TCF7L1: variants seen among roughly 807,000 people sequenced by gnomAD.
TCF7L1 encodes the protein transcription factor 7-like 1.
TCF7L1 carries 18 observed loss-of-function variants against 63.7 expected under a neutral mutation model. The observed-to-expected ratio is 0.28, with a 90% CI of 0.20 to 0.42. TCF7L1 has a LOEUF of 0.42. Ranked by LOEUF, TCF7L1 falls within the 10% of genes least tolerant of loss-of-function variation. The probability of loss-of-function intolerance (pLI) is 1.00; values close to 1 mark genes in which losing one functional copy is unlikely to be tolerated. For synonymous variants in TCF7L1, 355 were observed against 340.9 expected, an observed-to-expected ratio of 1.04 and a Z score of -0.46; for missense variants, 654 against 779.3, an observed-to-expected ratio of 0.84 and a Z score of 1.91.
At chr2:85,270,020 G>A (rs1219768919) in intron 3 of TCF7L1, among the ~76,000 whole-genome samples, 3 of 152,162 alleles carry the variant, frequency 2.0e-5, no homozygotes, top group Non-Finnish European at 2.9e-5. Flanking sequence ...CCCATCTCCC[G>A]GTGCCCAGGA....
chr2:85,194,642 C>A (rs889883829), intron 3 of TCF7L1, among the ~76,000 whole-genome samples: 2 of 152,108 alleles, frequency 1.3e-5, no homozygotes, highest in Admixed American at 6.6e-5. Flanking sequence ...GAATTGTGTG[C>A]CCCCAGGTGC....
intron 4 of TCF7L1, among the ~76,000 whole-genome samples, chr2:85,289,973 C>G (rs1165912012): frequency 1.6e-5 from 2 of 126,486 alleles, no homozygotes; most frequent in Non-Finnish European, 3.4e-5. Context: ...CACGCCTAGC[C>G]CAGTTTTTTT....
At chr2:85,182,287 C>G (rs1396007274) in intron 3 of TCF7L1, among the ~76,000 whole-genome samples, 4 of 152,114 alleles carry the variant, frequency 2.6e-5, no homozygotes, top group African/African-American at 9.7e-5. Context: ...CAGGCAGAGT[C>G]CCTGATACTC....
intron 3 of TCF7L1, among the ~76,000 whole-genome samples, chr2:85,142,989 T>C (rs1677780785): frequency 6.6e-6 from 1 of 152,270 alleles, no homozygotes; most frequent in Non-Finnish European, 1.5e-5. Flanking sequence ...AATGATCTTC[T>C]AATTGAGAAG....
At chr2:85,278,495 A>G (rs940240517) in intron 3 of TCF7L1, among the ~76,000 whole-genome samples, 7 of 152,246 alleles carry the variant, frequency 4.6e-5, no homozygotes, top group Non-Finnish European at 1.0e-4. Flanking sequence ...TGGGAAATGC[A>G]AAAATGCCTT....
At chr2:85,278,580 T>C (rs1681336880) in intron 3 of TCF7L1, among the ~76,000 whole-genome samples, 1 of 152,154 alleles carries the variant, frequency 6.6e-6, no homozygotes, top group African/African-American at 2.4e-5. Context: ...ACCATTTTGG[T>C]AAATGCCGAG....
At chr2:85,299,442 C>T (rs1034640203) in intron 4 of TCF7L1, among the ~76,000 whole-genome samples, 2 of 151,770 alleles carry the variant, frequency 1.3e-5, no homozygotes, top group African/African-American at 2.4e-5. Flanking sequence ...ATCCCAGCTA[C>T]TTGGGAGGTT....
At chr2:85,197,414 A>G (rs900775764) in intron 3 of TCF7L1, among the ~76,000 whole-genome samples, 20 of 152,112 alleles carry the variant, frequency 1.3e-4, no homozygotes, top group African/African-American at 4.6e-4. Context: ...AAATATATAT[A>G]TATTTCGGGA....
intron 3 of TCF7L1, among the ~76,000 whole-genome samples, chr2:85,239,690 C>T (rs1400403678): frequency 6.6e-6 from 1 of 152,054 alleles, no homozygotes; most frequent in Non-Finnish European, 1.5e-5. Flanking sequence ...TGCCTGTAAT[C>T]CAGGCACCTT....
chr2:85,219,066 T>C (rs371886405), intron 3 of TCF7L1, among the ~76,000 whole-genome samples: 23 of 152,216 alleles, frequency 1.5e-4, no homozygotes, highest in African/African-American at 5.3e-4. Flanking sequence ...GGTGAGAGGA[T>C]GGCTTGAGCC....
intron 3 of TCF7L1, among the ~76,000 whole-genome samples, chr2:85,244,551 G>C (rs1276420602): frequency 1.1e-4 from 16 of 152,320 alleles, no homozygotes. Flanking sequence ...CAGTGGGAAA[G>C]AAGAAAGTGT....
chr2:85,135,557 G>T (rs756180341), intron 3 of TCF7L1, among the ~76,000 whole-genome samples: 7 of 152,130 alleles, frequency 4.6e-5, no homozygotes, highest in Non-Finnish European at 1.0e-4. Flanking sequence ...AAATAACGAC[G>T]ATAATTAAAG....
chr2:85,248,781 AG>A (rs1170573684), intron 3 of TCF7L1, among the ~76,000 whole-genome samples: 1 of 152,240 alleles, frequency 6.6e-6, no homozygotes, highest in African/African-American at 2.4e-5. Context: ...CAGCTCAGCC[AG>A]GAGTGAGTGA....
chr2:85,274,101 A>C lies in TCF7L1; in HGVS notation c.442-9394A>C, dbSNP rs1681217152. 2.0e-5 allele frequency among the ~76,000 whole-genome samples: 3 copies of C among 152,266 alleles called. No homozygotes were observed. In the South Asian group the frequency reaches 6.2e-4, roughly 32 times the overall value. Reference sequence around the variant, plus strand: ...GGAGGGGCCCAGCAGGGTTCACCTCAGGGAAAGGAGGACTGGGCCTCCAAA... The same window carrying C: ...GGAGGGGCCCAGCAGGGTTCACCTCCGGGAAAGGAGGACTGGGCCTCCAAA... On this transcript the variant is annotated intron_variant, in intron 3 of 11. Transcript: ENST00000282111.
chr2:85,224,534 G>T (rs1679914507), intron 3 of TCF7L1, among the ~76,000 whole-genome samples: 1 of 152,246 alleles, frequency 6.6e-6, no homozygotes, highest in Non-Finnish European at 1.5e-5. Context: ...CTGATGACCA[G>T]TGATGATGAG....
intron 3 of TCF7L1, among the ~76,000 whole-genome samples, chr2:85,196,190 C>A (rs1679152535): frequency 6.6e-6 from 1 of 152,220 alleles, no homozygotes; most frequent in Non-Finnish European, 1.5e-5. Flanking sequence ...GACAGGAGTT[C>A]AGATGCCAGG....
intron 3 of TCF7L1, among the ~76,000 whole-genome samples, chr2:85,201,508 A>G (rs930561272): frequency 6.6e-6 from 1 of 152,198 alleles, no homozygotes; most frequent in Non-Finnish European, 1.5e-5. Context: ...AGTTTTTCCA[A>G]ATTGTCACAA....
At chr2:85,270,715 A>C (rs921410958) in intron 3 of TCF7L1, among the ~76,000 whole-genome samples, 1 of 152,120 alleles carries the variant, frequency 6.6e-6, no homozygotes, top group Non-Finnish European at 1.5e-5. Flanking sequence ...TTAGAGACAG[A>C]GTCTCACTCT....
chr2:85,137,513 A>C (rs1677621371), intron 3 of TCF7L1, among the ~76,000 whole-genome samples: 1 of 152,236 alleles, frequency 6.6e-6, no homozygotes, highest in Non-Finnish European at 1.5e-5. Flanking sequence ...TTTTCAAATA[A>C]TCACCTCAAA....
Sources: gnomAD v4.1 joint callset for allele counts (sites outside exome capture counted in the v4.1 genomes callset) on GRCh38, gnomAD v4.1.1 for gene constraint, MANE v1.5 for transcripts, NCBI Gene and HGNC (gene_info 2026-07-23, HGNC 2026-07-21) for gene names.